Variants in ROBO2 observed in about 807,000 individuals in gnomAD.
ROBO2 encodes roundabout guidance receptor 2, also known as roundabout homolog 2.
ROBO2 carries 53 observed loss-of-function variants against 160.8 expected under a neutral mutation model. The observed-to-expected ratio is 0.33, with a 90% CI of 0.26 to 0.41. The LOEUF is 0.41. Among genes scored for constraint, ROBO2 ranks in the 10% least tolerant of loss-of-function variants. The pLI, the probability that ROBO2 is intolerant of heterozygous loss-of-function variation, is 1.00. For synonymous variants in ROBO2, 664 were observed against 611.7 expected, an observed-to-expected ratio of 1.09 and a Z score of -1.26; for missense variants, 1,577 against 1,722.4, an observed-to-expected ratio of 0.92 and a Z score of 1.49.
In ROBO2 at chr3:77,239,857, A is replaced by G. The variant is rs1580291119; in HGVS notation, c.388+141517A>G. On this transcript the variant is annotated intron_variant, in intron 2 of 25. Coordinates refer to ENST00000461745, the Ensembl canonical transcript of ROBO2. ...TTGGTGCATTTACAATCCTTTAGCT[A>G]GATGTAAAAGTTCTCCAAGTCCTCA... Among the ~76,000 whole-genome samples the G allele has an allele frequency of 2.6e-5, 4 of 152,296 alleles. No homozygotes were observed. The East Asian group carries it at 7.7e-4, about 29-fold the overall frequency.
intron 2 of ROBO2, among the ~76,000 whole-genome samples, chr3:77,111,401 A>G (rs2073560008): frequency 6.6e-6 from 1 of 152,188 alleles, no homozygotes; most frequent in African/African-American, 2.4e-5. Context: ...AGCTATCTTA[A>G]GTAGACATTA....
intron 1 of ROBO2, among the ~76,000 whole-genome samples, chr3:77,064,918 G>A (rs1384478260): frequency 6.6e-6 from 1 of 152,112 alleles, no homozygotes; most frequent in African/African-American, 2.4e-5. Context: ...GAATATGGAG[G>A]TCTTGATAGC....
At chr3:77,184,025 T>C (rs2081052510) in intron 2 of ROBO2, among the ~76,000 whole-genome samples, 1 of 149,100 alleles carries the variant, frequency 6.7e-6, no homozygotes, top group Non-Finnish European at 1.5e-5. Flanking sequence ...TTAGATACCA[T>C]GAAACAACTG....
At chr3:77,432,169 C>A (rs1390113056) in intron 2 of ROBO2, among the ~76,000 whole-genome samples, 2 of 151,902 alleles carry the variant, frequency 1.3e-5, no homozygotes, top group Admixed American at 6.6e-5. Context: ...AGAATAAGGA[C>A]AAAGAGAGGA....
intron 2 of ROBO2, among the ~76,000 whole-genome samples, chr3:76,209,265 G>A (rs1411963195): frequency 6.6e-6 from 1 of 152,098 alleles, no homozygotes; most frequent in Non-Finnish European, 1.5e-5. Flanking sequence ...GACCTACCTA[G>A]ATATGGCACT....
At chr3:76,531,948 G>A (rs77847641) in intron 2 of ROBO2, among the ~76,000 whole-genome samples, 1 of 152,248 alleles carries the variant, frequency 6.6e-6, no homozygotes, top group East Asian at 1.9e-4. Flanking sequence ...GATCAAAGAA[G>A]TACTCTGCCC....
chr3:77,245,684 G>A (rs577850038), intron 2 of ROBO2, among the ~76,000 whole-genome samples: 1 of 152,308 alleles, frequency 6.6e-6, no homozygotes, highest in Non-Finnish European at 1.5e-5. Context: ...ATTCTCATTC[G>A]AGTGAGGGAA....
rs568696216 is a variant in ROBO2 at position 77,149,902 on chromosome 3, T to C, written c.388+51562T>C. On this transcript the variant is annotated intron_variant, in intron 2 of 25. Coordinates refer to ENST00000461745, the Ensembl canonical transcript of ROBO2. ...TTATTTGTTAATGTACTGTATTTAGTGTACTGTTTAGGCGGGATTACAAAT... is the reference window on the plus strand; with the variant it reads ...TTATTTGTTAATGTACTGTATTTAGCGTACTGTTTAGGCGGGATTACAAAT... 1.1e-4 allele frequency among the ~76,000 whole-genome samples: 16 copies of C among 152,236 alleles called. No homozygotes were observed. The South Asian group carries it at 1.2e-3, about 12-fold the overall frequency.
chr3:76,104,044 G>A (rs1025750293), intron 2 of ROBO2, among the ~76,000 whole-genome samples: 1 of 152,148 alleles, frequency 6.6e-6, no homozygotes, highest in Non-Finnish European at 1.5e-5. Flanking sequence ...AGACATGAGA[G>A]GAATATACGA....
chr3:77,475,193 G>T (rs946020596), intron 2 of ROBO2, among the ~76,000 whole-genome samples: 1 of 152,108 alleles, frequency 6.6e-6, no homozygotes, highest in African/African-American at 2.4e-5. Flanking sequence ...ATTACAAGTT[G>T]AAGAGGGTAC....
chr3:76,899,736 C>T (rs952568910), intron 2 of ROBO2, among the ~76,000 whole-genome samples: 4 of 152,118 alleles, frequency 2.6e-5, no homozygotes, highest in African/African-American at 7.2e-5. Context: ...TCTCTTCCCT[C>T]CTCTGAGGTG....
intron 2 of ROBO2, among the ~76,000 whole-genome samples, chr3:77,290,654 C>T (rs181788794): frequency 6.9e-4 from 7 of 10,164 alleles, no homozygotes; most frequent in Non-Finnish European, 4.5e-3. Context: ...ACCCAAGACA[C>T]AAAGTAAAAT....
At chr3:77,454,975 G>A (rs1463356804) in intron 2 of ROBO2, among the ~76,000 whole-genome samples, 1 of 152,104 alleles carries the variant, frequency 6.6e-6, no homozygotes, top group African/African-American at 2.4e-5. Context: ...GTATAAAAGT[G>A]GCTTAAACTA....
At chr3:76,989,132 G>A (rs977291668) in intron 2 of ROBO2, among the ~76,000 whole-genome samples, 2 of 151,952 alleles carry the variant, frequency 1.3e-5, no homozygotes, top group Non-Finnish European at 2.9e-5. Context: ...TGGTAATAGG[G>A]GAAGAAACTC....
At chr3:75,922,309 T>C (rs1362047023) in intron 1 of ROBO2, among the ~76,000 whole-genome samples, 1 of 152,066 alleles carries the variant, frequency 6.6e-6, no homozygotes, top group Non-Finnish European at 1.5e-5. Flanking sequence ...TAGACAAATA[T>C]CACTTGCAAC....
intron 2 of ROBO2, among the ~76,000 whole-genome samples, chr3:76,976,780 C>T (rs1028633471): frequency 6.6e-6 from 1 of 152,020 alleles, no homozygotes; most frequent in Admixed American, 6.5e-5. Flanking sequence ...TATTTTGCAC[C>T]GTAAATTTCA....
intron 2 of ROBO2, among the ~76,000 whole-genome samples, chr3:76,429,315 A>G (rs1056256257): frequency 2.0e-5 from 3 of 152,146 alleles, no homozygotes; most frequent in Non-Finnish European, 4.4e-5. Flanking sequence ...GTGGGTAAAA[A>G]GCGACAAAAG....
intron 2 of ROBO2, among the ~76,000 whole-genome samples, chr3:77,186,918 A>G (rs2081336040): frequency 6.6e-6 from 1 of 152,020 alleles, no homozygotes; most frequent in Non-Finnish European, 1.5e-5. Flanking sequence ...TGTAATATGA[A>G]CCATGTCAAT....
At position 76,588,650 on chromosome 3, in the gene ROBO2, C is replaced by T. The variant is rs543644480; in HGVS notation, c.110-509364C>T. Among the ~76,000 whole-genome samples, 3 of 152,220 alleles carry T rather than the reference C, an allele frequency of 2.0e-5. No individual in the cohort carries two copies. The South Asian group carries it at 6.2e-4, about 31-fold the overall frequency. On this transcript the variant is annotated intron_variant, in intron 2 of 26. Coordinates refer to the ROBO2 transcript ENST00000487694. ...AATATAAAGATGTCTTATGTAGAGGCATTCAATGTGATAGATACGTATCAC... is the reference window on the plus strand; with the variant it reads ...AATATAAAGATGTCTTATGTAGAGGTATTCAATGTGATAGATACGTATCAC...
Sources: allele counts gnomAD v4.1 joint callset (sites outside exome capture counted in the v4.1 genomes callset), GRCh38; gene constraint gnomAD v4.1.1; transcripts MANE v1.5; gene names NCBI Gene and HGNC (gene_info 2026-07-23, HGNC 2026-07-21).